The following CNBD1 variants were observed in gnomAD, a reference collection of about 807,000 sequenced individuals.
The protein encoded by CNBD1 is cyclic nucleotide-binding domain-containing protein 1.
A neutral mutation model predicts 54.4 loss-of-function variants in CNBD1; 71 were observed. The observed-to-expected ratio is 1.30, with a 90% CI of 1.08 to 1.59. The LOEUF (loss-of-function observed/expected upper bound fraction) is 1.59. CNBD1 is among the 40% of genes most tolerant of loss of function. The pLI, the probability that CNBD1 is intolerant of heterozygous loss-of-function variation, is 0.00. For missense variants in CNBD1, 659 were observed against 518.0 expected (o/e 1.27, Z -2.64); for synonymous variants, 182 against 170.7 (o/e 1.07, Z -0.51).
In CNBD1 at chr8:87,169,419, C is replaced by T. The variant is rs112829529; in HGVS notation, c.432-36574C>T. On this transcript the variant is annotated intron_variant, in intron 4 of 10. Coordinates refer to ENST00000518476, the MANE Select transcript of CNBD1 (RefSeq NM_173538.3). ...AAAAGCTTTTTAACTTGATGTGATT[C>T]CGTTTGTCCACTTTTGCTTTGGTTG... is the stretch of plus-strand genomic sequence containing the variant. 7.5e-3 allele frequency among the ~76,000 whole-genome samples: 1,140 copies of T among 152,130 alleles called. 8 individuals carry two copies. Among genetic ancestry groups the T allele is most frequent in the South Asian group, 0.037 (179 of 4,822 alleles).
chr8:86,886,460 TATATG>T (rs2131785819), intron 1 of CNBD1, among the ~76,000 whole-genome samples: 1 of 152,298 alleles, frequency 6.6e-6, no homozygotes, highest in Admixed American at 6.5e-5. Context: ...GATATGGATA[TATATG>T]ATATGATATG....
intron 8 of CNBD1, among the ~76,000 whole-genome samples, chr8:87,331,394 A>T (rs1011436550): frequency 5.3e-5 from 8 of 152,184 alleles, no homozygotes; most frequent in Non-Finnish European, 1.0e-4. Flanking sequence ...ACATGATCTC[A>T]TTCCTTTCTG....
chr8:87,055,724 T>C (rs1033347116), intron 4 of CNBD1, among the ~76,000 whole-genome samples: 2 of 149,946 alleles, frequency 1.3e-5, no homozygotes, highest in Non-Finnish European at 3.0e-5. Context: ...TCCTTCCTTC[T>C]TTTTTCTTTC....
chr8:87,037,764 A>T (rs1302713221), intron 4 of CNBD1, among the ~76,000 whole-genome samples: 1 of 152,178 alleles, frequency 6.6e-6, no homozygotes, highest in Non-Finnish European at 1.5e-5. Flanking sequence ...TGATTCTTCA[A>T]AAACTTTGTT....
At chr8:87,296,170 A>G (rs1362725014) in intron 8 of CNBD1, among the ~76,000 whole-genome samples, 1 of 152,194 alleles carries the variant, frequency 6.6e-6, no homozygotes, top group Non-Finnish European at 1.5e-5. Context: ...TTTAATAAAG[A>G]AGCAATTCGT....
intron 4 of CNBD1, among the ~76,000 whole-genome samples, chr8:87,099,674 G>A (rs1479210429): frequency 2.0e-5 from 3 of 152,126 alleles, no homozygotes; most frequent in Non-Finnish European, 4.4e-5. Context: ...CTGAACAATT[G>A]GAAGTTTGAA....
intron 5 of CNBD1, among the ~76,000 whole-genome samples, chr8:87,214,837 G>A (rs1422752834): frequency 6.6e-6 from 1 of 152,094 alleles, no homozygotes; most frequent in Non-Finnish European, 1.5e-5. Context: ...CATGAGAACA[G>A]TATGGGGGAA....
intron 6 of CNBD1, among the ~76,000 whole-genome samples, chr8:87,263,882 T>C (rs115605163): frequency 0.034 from 5,147 of 152,244 alleles, 244 homozygotes; most frequent in African/African-American, 0.1. Flanking sequence ...AATCTAATAC[T>C]ATAATTTTTA....
chr8:87,330,296 G>A (rs571329530), intron 8 of CNBD1, among the ~76,000 whole-genome samples: 1 of 146,676 alleles, frequency 6.8e-6, no homozygotes, highest in African/African-American at 2.5e-5. Flanking sequence ...TTGGAAACCA[G>A]GTTTTGGTTT....
intron 6 of CNBD1, among the ~76,000 whole-genome samples, chr8:87,238,575 A>T (rs746808043): frequency 3.3e-5 from 5 of 152,160 alleles, no homozygotes; most frequent in Non-Finnish European, 4.4e-5. Flanking sequence ...ATAATAATAA[A>T]AAAATACTTG....
At chr8:87,101,372 A>G (rs1290481953) in intron 4 of CNBD1, among the ~76,000 whole-genome samples, 1 of 152,106 alleles carries the variant, frequency 6.6e-6, no homozygotes, top group East Asian at 1.9e-4. Context: ...AGAATTAAAA[A>G]CAAATATAGA....
intron 4 of CNBD1, among the ~76,000 whole-genome samples, chr8:86,952,644 T>C (rs1198848166): frequency 6.6e-6 from 1 of 151,868 alleles, no homozygotes; most frequent in Non-Finnish European, 1.5e-5. Context: ...TATTAAAGTA[T>C]AATTTATATA....
intron 3 of CNBD1, among the ~76,000 whole-genome samples, chr8:86,934,344 T>A (rs1189552157): frequency 1.3e-5 from 2 of 152,218 alleles, no homozygotes. Flanking sequence ...GAAGTATGGC[T>A]GATTTTTGTA....
chr8:87,123,616 AG>A (rs1462610521), intron 4 of CNBD1, among the ~76,000 whole-genome samples: 1 of 151,682 alleles, frequency 6.6e-6, no homozygotes, highest in Non-Finnish European at 1.5e-5. Context: ...AACTAGAAAA[AG>A]ATGAAAAAAC....
At chr8:87,225,458 GAATTTTGTCAA>G (rs905285204) in intron 5 of CNBD1, among the ~76,000 whole-genome samples, 2 of 151,458 alleles carry the variant, frequency 1.3e-5, no homozygotes. Context: ...AAGGGTTGTT[GAATTTTGTCAA>G]AGGCCTTTTC....
At chr8:86,867,243 A>G (rs1398166886) in intron 1 of CNBD1, among the ~76,000 whole-genome samples, 3 of 152,152 alleles carry the variant, frequency 2.0e-5, no homozygotes, top group East Asian at 1.9e-4. Flanking sequence ...TTATTTGAAC[A>G]CCATCATTCT....
rs533689388 is a variant in CNBD1, at chr8:87,351,668, ATC to A, written c.1043-11_1043-10del. On this transcript the variant is annotated splice_polypyrimidine_tract_variant and intron_variant, in intron 8 of 10. Transcript: ENST00000518476. ...AAGACAAGAATGTGTGAAATGAACTATCTCTCTTCTTTTCAGTGATAGTGGAA... is the reference window on the plus strand; with the variant it reads ...AAGACAAGAATGTGTGAAATGAACTATCTCTTCTTTTCAGTGATAGTGGAA... 14 of 1,475,104 alleles carry A rather than the reference ATC, an allele frequency of 9.5e-6. No homozygotes were observed. The highest frequency in any genetic ancestry group is 8.8e-5 in the African/African-American group (6 of 68,334). 91.4% of individuals were successfully genotyped at this position (1,475,104 alleles called of 1,614,324 possible).
intron 4 of CNBD1, among the ~76,000 whole-genome samples, chr8:87,047,065 T>G (rs2130618414): frequency 6.6e-6 from 1 of 152,306 alleles, no homozygotes; most frequent in African/African-American, 2.4e-5. Context: ...ATCTCACGTG[T>G]TAGATTAGCT....
chr8:87,406,023 G>C (rs1387746953), intron 2 of CNBD1, among the ~76,000 whole-genome samples: 1 of 151,988 alleles, frequency 6.6e-6, no homozygotes, highest in East Asian at 1.9e-4. Context: ...ATTTCTCTAT[G>C]GATATTGAAG....
Sources: gnomAD v4.1 joint callset for allele counts (sites outside exome capture counted in the v4.1 genomes callset) on GRCh38, gnomAD v4.1.1 for gene constraint, MANE v1.5 for transcripts, NCBI Gene and HGNC (gene_info 2026-07-23, HGNC 2026-07-21) for gene names.